Variants in GMDS observed in about 807,000 individuals in gnomAD.
GMDS encodes GDP-mannose 4,6 dehydratase.
Under a neutral mutation model 49.9 loss-of-function variants are expected in GMDS, and 20 were observed. That is an observed-to-expected ratio of 0.40 (90% CI 0.28 to 0.58). GMDS has a LOEUF of 0.58. GMDS is among the 20% of genes least tolerant of loss of function. GMDS has a pLI of 0.42. For missense variants in GMDS, 362 were observed against 481.4 expected (o/e 0.75, Z 2.32); for synonymous variants, 177 against 178.6 (o/e 0.99, Z 0.07).
At chr6:1,982,675 T>A (rs1581460701) in intron 4 of GMDS, among the ~76,000 whole-genome samples, 1 of 152,016 alleles carries the variant, frequency 6.6e-6, no homozygotes, top group South Asian at 2.1e-4. Flanking sequence ...ACAAGGGAAG[T>A]AAAGGACCCC....
intron 7 of GMDS, among the ~76,000 whole-genome samples, chr6:1,868,319 A>G (rs914305987): frequency 6.6e-6 from 1 of 152,112 alleles, no homozygotes. Context: ...TTTACCCACT[A>G]TGTTTCTTCA....
intron 7 of GMDS, among the ~76,000 whole-genome samples, chr6:1,754,605 T>C (rs7749846): frequency 0.56 from 84,887 of 152,078 alleles, 24,375 homozygotes; most frequent in African/African-American, 0.68. Flanking sequence ...ATATCCCTGA[T>C]GAACATCGAT....
intron 9 of GMDS, among the ~76,000 whole-genome samples, chr6:1,629,294 G>A (rs1762929163): frequency 1.3e-5 from 2 of 152,182 alleles, no homozygotes; most frequent in Admixed American, 6.5e-5. Context: ...CAGCGGTAAT[G>A]AACATTTCCC....
At chr6:2,098,300 C>G (rs1042497943) in intron 4 of GMDS, among the ~76,000 whole-genome samples, 23 of 152,312 alleles carry the variant, frequency 1.5e-4, no homozygotes, top group African/African-American at 5.5e-4. Context: ...TCAGTCGATC[C>G]ACCTGCCTCA....
At chr6:2,241,606 T>TCATTACTC (rs1781616719) in intron 1 of GMDS, among the ~76,000 whole-genome samples, 1 of 152,028 alleles carries the variant, frequency 6.6e-6, no homozygotes, top group Non-Finnish European at 1.5e-5. Context: ...GACTCCTCAC[T>TCATTACTC]CTATTAGCTC....
chr6:2,032,667 G>A (rs1468645599), intron 4 of GMDS, among the ~76,000 whole-genome samples: 1 of 152,078 alleles, frequency 6.6e-6, no homozygotes, highest in Non-Finnish European at 1.5e-5. Context: ...AATATAGAGA[G>A]AGGCATAAAA....
intron 4 of GMDS, among the ~76,000 whole-genome samples, chr6:1,979,009 A>G (rs890969415): frequency 6.6e-6 from 1 of 152,128 alleles, no homozygotes; most frequent in African/African-American, 2.4e-5. Context: ...AAACATACAA[A>G]CACAAAACAA....
intron 1 of GMDS, among the ~76,000 whole-genome samples, chr6:2,228,661 GCATTC>G (rs1239642667): frequency 1.3e-5 from 2 of 152,190 alleles, no homozygotes; most frequent in Non-Finnish European, 2.9e-5. Context: ...TGTAGGAAGG[GCATTC>G]ATTTGAACAC....
rs200704760 is a variant in GMDS, at chr6:1,835,058, TAGAG to T, written c.772-92476_772-92473del. The stretch of plus-strand genomic sequence containing the variant: ...TAGATATTAATTAGTTCTCTACTGA[TAGAG>T]AGGGAGAGGGAAGGAGGGAGGGAAT... On this transcript the variant is annotated intron_variant, in intron 7 of 10. Coordinates refer to ENST00000380815, the MANE Select transcript of GMDS (RefSeq NM_001500.4). 4.7e-3 allele frequency among the ~76,000 whole-genome samples: 710 copies of T among 152,070 alleles called. 4 individuals are homozygous for T. The highest frequency in any genetic ancestry group is 9.8e-3 in the African/African-American group (405 of 41,436).
chr6:1,995,835 T>C (rs1766243537), intron 4 of GMDS, among the ~76,000 whole-genome samples: 1 of 152,164 alleles, frequency 6.6e-6, no homozygotes, highest in African/African-American at 2.4e-5. Context: ...TCCCTCTTTC[T>C]GGTCCTGCTT....
intron 9 of GMDS, among the ~76,000 whole-genome samples, chr6:1,699,212 A>G (rs1443793892): frequency 6.6e-6 from 1 of 152,166 alleles, no homozygotes; most frequent in Admixed American, 6.5e-5. Flanking sequence ...GGAAGACTGC[A>G]CATCAGGCTG....
intron 4 of GMDS, among the ~76,000 whole-genome samples, chr6:2,090,267 G>A (rs971901681): frequency 6.6e-6 from 1 of 152,118 alleles, no homozygotes; most frequent in Non-Finnish European, 1.5e-5. Context: ...AAAGTGTTGT[G>A]GTCAGCCATG....
At chr6:2,189,886 C>T (rs1778937650) in intron 1 of GMDS, among the ~76,000 whole-genome samples, 1 of 150,616 alleles carries the variant, frequency 6.6e-6, no homozygotes, top group Admixed American at 6.7e-5. Flanking sequence ...TAACTCATGA[C>T]TCCAGGACTA....
intron 7 of GMDS, among the ~76,000 whole-genome samples, chr6:1,761,811 C>G (rs147625113): frequency 8.5e-5 from 13 of 152,140 alleles, no homozygotes; most frequent in African/African-American, 2.9e-4. Context: ...AGCAAGAGTC[C>G]TTAACATATT....
chr6:2,143,021 C>T (rs1167283096), intron 1 of GMDS, among the ~76,000 whole-genome samples: 3 of 152,212 alleles, frequency 2.0e-5, no homozygotes, highest in Admixed American at 6.5e-5. Context: ...CTGATCCCTC[C>T]AGCCTGCATC....
intron 7 of GMDS, among the ~76,000 whole-genome samples, chr6:1,790,004 T>A (rs6928276): frequency 0.093 from 14,185 of 152,258 alleles, 1,021 homozygotes; most frequent in East Asian, 0.25. Flanking sequence ...CCATCTCGTA[T>A]TCATAAAGAT....
chr6:2,166,129 A>C (rs566617549), intron 1 of GMDS, among the ~76,000 whole-genome samples: 1 of 152,346 alleles, frequency 6.6e-6, no homozygotes, highest in Non-Finnish European at 1.5e-5. Context: ...GAACGTGAGC[A>C]TTCACGTTAA....
rs1460167945 is a variant in GMDS, at chr6:2,245,540, G to C, written c.-118C>G. The stretch of plus-strand genomic sequence containing the variant: ...CGCCTCTCCAGGCTGCGGGCAGGGA[G>C]GGAGAGCGCACCGCGCGACCGGCCG... On this transcript the variant is annotated 5_prime_UTR_variant, in exon 1 of 11. Transcript: ENST00000380815. 6.0e-6 allele frequency: 3 copies of C among 502,608 alleles called. No homozygotes were observed. The highest frequency in any genetic ancestry group is 9.6e-6 in the Non-Finnish European group (3 of 313,084). 31.1% of individuals were successfully genotyped at this position (502,608 alleles called of 1,614,324 possible).
chr6:2,235,642 C>CA lies in GMDS; in HGVS notation c.102+9678dup, dbSNP rs112768201. 9.8e-3 allele frequency among the ~76,000 whole-genome samples: 1,142 copies of CA among 116,856 alleles called. 11 individuals are homozygous for CA. Among genetic ancestry groups the CA allele is most frequent in the African/African-American group, 0.028 (901 of 31,724 alleles). 76.7% of individuals were successfully genotyped at this position (116,856 alleles called of 152,430 possible). A position where few individuals can be genotyped will look rare whatever the true frequency, so the allele number is the denominator to read the frequency against. On this transcript the variant is annotated intron_variant, in intron 1 of 10. Transcript: ENST00000380815. ...GCAGCACGGCAAGACCCCATCTTAA[C>CA]AAAAAAAAAAAATACAAAAATTAGC...
Sources: gnomAD v4.1 joint callset for allele counts (sites outside exome capture counted in the v4.1 genomes callset) on GRCh38, gnomAD v4.1.1 for gene constraint, MANE v1.5 for transcripts, NCBI Gene and HGNC (gene_info 2026-07-23, HGNC 2026-07-21) for gene names.